Variants in JMY observed in about 807,000 individuals in gnomAD.
The protein encoded by JMY is junction-mediating and -regulatory protein.
JMY carries 46 observed loss-of-function variants against 103.3 expected under a neutral mutation model. The observed-to-expected ratio is 0.45, with a 90% confidence interval of 0.35 to 0.57. The LOEUF is 0.57. JMY is among the 20% of genes least tolerant of loss of function. JMY has a pLI of 0.00. For missense variants in JMY, 1,238 were observed against 1,255.2 expected (o/e 0.99, Z 0.21); for synonymous variants, 526 against 489.3 (o/e 1.07, Z -0.99).
At chr5:79,238,399 TAAC>T (rs527951177) in intron 1 of JMY, among the ~76,000 whole-genome samples, 101 of 150,796 alleles carry the variant, frequency 6.7e-4, no homozygotes, top group African/African-American at 9.8e-4. Context: ...ATCCTTAAAA[TAAC>T]AAAAAAAAAG....
At position 79,323,511 on chromosome 5, in the gene JMY, AAGTT is replaced by A; in HGVS notation, c.*1911_*1914del. On this transcript the variant is annotated 3_prime_UTR_variant, in exon 11 of 11. Transcript: ENST00000396137. ...ATTGGTTATATGAATATATTTGAAA[AAGTT>A]AAAGCAAATTTGCAAACCTTTACAA... 6.6e-6 allele frequency: 1 copy of A among 152,316 alleles called. No homozygotes were observed. The highest frequency in any genetic ancestry group is 1.9e-4 in the East Asian group (1 of 5,192). 9.4% of individuals were successfully genotyped at this position (152,316 alleles called of 1,614,324 possible).
Position 79,250,917 on chromosome 5 carries a change from T to TA in JMY, c.1032+13241dup, listed in dbSNP as rs752569718. ...CCATAACTTAAAATATTGTCTATGGTAAAAAACAAAGTTAAATGTGCCTTT... is the reference window on the plus strand; with the variant it reads ...CCATAACTTAAAATATTGTCTATGGTAAAAAAACAAAGTTAAATGTGCCTTT... On this transcript the variant is annotated intron_variant, in intron 1 of 10. Transcript: ENST00000396137. Among the ~76,000 whole-genome samples, 21 of 152,192 alleles carry TA rather than the reference T, an allele frequency of 1.4e-4. 1 individual carries two copies. The highest frequency in any genetic ancestry group is 5.9e-4 in the Admixed American group (9 of 15,280).
chr5:79,319,572 T>C (rs868632756), intron 10 of JMY, among the ~76,000 whole-genome samples: 1 of 96,974 alleles, frequency 1.0e-5, no homozygotes. Context: ...CCTTTTTTTT[T>C]TCTCTCTCTC....
At position 79,261,378 on chromosome 5, in the gene JMY, C is replaced by CAAA. The variant is rs1254686417; in HGVS notation, c.1033-16531_1033-16529dup. On this transcript the variant is annotated intron_variant, in intron 1 of 10. Coordinates refer to ENST00000396137, the MANE Select transcript of JMY (RefSeq NM_152405.5). ...ATCTTATGTAAAAGTGCCGTCTCTA[C>CAAA]AAATAATAATAATAATAATAATCAA... 9.9e-5 allele frequency among the ~76,000 whole-genome samples: 15 copies of CAAA among 151,818 alleles called. 1 individual carries two copies. Among genetic ancestry groups the CAAA allele is most frequent in the Middle Eastern group, 6.8e-3 (2 of 294 alleles).
At chr5:79,281,429 G>T (rs1010243541) in intron 2 of JMY, among the ~76,000 whole-genome samples, 5 of 147,918 alleles carry the variant, frequency 3.4e-5, no homozygotes, top group Admixed American at 1.4e-4. Flanking sequence ...CACATCTAGG[G>T]CCTACCCAGG....
chr5:79,299,309 C>T (rs1746660354), intron 4 of JMY, among the ~76,000 whole-genome samples: 1 of 152,220 alleles, frequency 6.6e-6, no homozygotes, highest in Non-Finnish European at 1.5e-5. Context: ...TCACATCTCA[C>T]TGACTCTTGA....
At chr5:79,264,579 A>T (rs1301398193) in intron 1 of JMY, among the ~76,000 whole-genome samples, 3 of 152,108 alleles carry the variant, frequency 2.0e-5, no homozygotes, top group African/African-American at 2.4e-5. Flanking sequence ...ATATTTCATC[A>T]GAATGAAAAG....
At chr5:79,265,022 T>C (rs1354653305) in intron 1 of JMY, among the ~76,000 whole-genome samples, 4 of 152,130 alleles carry the variant, frequency 2.6e-5, no homozygotes, top group African/African-American at 9.7e-5. Context: ...CCCAGGTTCA[T>C]GCCATTCATT....
At chr5:79,286,517 C>G (rs988985481) in intron 2 of JMY, among the ~76,000 whole-genome samples, 1 of 151,894 alleles carries the variant, frequency 6.6e-6, no homozygotes, top group Non-Finnish European at 1.5e-5. Context: ...GTGGCGTGCT[C>G]GTGCAATCCC....
At chr5:79,254,204 G>A (rs960785407) in intron 1 of JMY, among the ~76,000 whole-genome samples, 1 of 151,274 alleles carries the variant, frequency 6.6e-6, no homozygotes, top group African/African-American at 2.4e-5. Context: ...TGATCTGCCC[G>A]CCTCAGCCTT....
intron 1 of JMY, among the ~76,000 whole-genome samples, chr5:79,248,895 A>G (rs1744993926): frequency 6.6e-6 from 1 of 152,074 alleles, no homozygotes; most frequent in African/African-American, 2.4e-5. Context: ...AGTAGCTGGA[A>G]CTACAGGTGT....
At position 79,322,160 on chromosome 5, in the gene JMY, T is replaced by C. The variant is rs532094419; in HGVS notation, c.*558T>C. ...GTCCGCATTACTCATTTCCAAAGGA[T>C]TTTTCATAAAGATGTTCAGCAACAT... is the stretch of plus-strand genomic sequence containing the variant. On this transcript the variant is annotated 3_prime_UTR_variant, in exon 11 of 11. Transcript: ENST00000396137. The C allele has an allele frequency of 3.9e-5, 6 of 152,314 alleles. No individual in the cohort carries two copies. The highest frequency in any genetic ancestry group is 1.2e-4 in the African/African-American group (5 of 41,574). The allele number at this position is 152,314 out of a possible 1,614,324, so 9.4% of individuals were successfully genotyped here.
intron 1 of JMY, among the ~76,000 whole-genome samples, chr5:79,264,418 A>G (rs1425170063): frequency 6.7e-6 from 1 of 149,134 alleles, no homozygotes; most frequent in Admixed American, 6.7e-5. Flanking sequence ...TTGTAGAGAC[A>G]TGGTCTCACT....
intron 1 of JMY, among the ~76,000 whole-genome samples, chr5:79,267,427 G>GCC (rs1745616458): frequency 6.6e-6 from 1 of 152,076 alleles, no homozygotes; most frequent in African/African-American, 2.4e-5. Flanking sequence ...GCAACCAGTG[G>GCC]TCTTTTTACT....
chr5:79,236,964 G>A lies in JMY; in HGVS notation c.314G>A (p.Arg105Gln). 1 of 1,449,780 alleles carries A rather than the reference G, an allele frequency of 6.9e-7. No individual in the cohort carries two copies. The highest frequency in any genetic ancestry group is 9.1e-7 in the Non-Finnish European group (1 of 1,103,582). The allele number at this position is 1,449,780 out of a possible 1,614,324, so 89.8% of individuals were successfully genotyped here. The part of the protein sequence containing the change: ...SATLVRSPGP[R>Q]RSSAWAEGGS... ...ACTCTGGTTAGGAGCCCCGGGCCCC[G>A]GCGGAGCTCGGCCTGGGCGGAGGGC... Residue 105 changes from arginine (R) to glutamine (Q), a missense_variant, in exon 1 of 11, where the codon CGG becomes CAG. By Grantham distance (43) the Arg-to-Gln change is conservative. Transcript: ENST00000396137.
Position 79,314,636 on chromosome 5 carries a change from C to CCCCACA in JMY, c.2444_2445insCCCACA (p.Pro816_Pro817insGlnPro). On this transcript the variant is annotated inframe_insertion, in exon 9 of 11. Transcript: ENST00000396137. The stretch of plus-strand genomic sequence containing the variant: ...CTTCCTCCAACACCACCACCTCCCC[C>CCCCACA]ACCTCCTCCCCCTCCCCCACCACCA... 1 of 1,502,622 alleles carries CCCCACA rather than the reference C, an allele frequency of 6.7e-7. No homozygotes were observed. Among genetic ancestry groups the CCCCACA allele is most frequent in the Non-Finnish European group, 9.2e-7 (1 of 1,090,300 alleles). The allele number at this position is 1,502,622 out of a possible 1,614,324, so 93.1% of individuals were successfully genotyped here.
intron 1 of JMY, among the ~76,000 whole-genome samples, chr5:79,244,593 G>A (rs779631201): frequency 6.6e-6 from 1 of 151,378 alleles, no homozygotes; most frequent in Non-Finnish European, 1.5e-5. Flanking sequence ...ATTTTTGACA[G>A]TAGGTCTTGA....
intron 1 of JMY, among the ~76,000 whole-genome samples, chr5:79,255,829 G>A (rs1462335472): frequency 6.6e-6 from 1 of 152,156 alleles, no homozygotes; most frequent in Non-Finnish European, 1.5e-5. Context: ...GGGGGTGGAG[G>A]GACACAAGCA....
chr5:79,252,593 CCTCT>C (rs1201754300), intron 1 of JMY, among the ~76,000 whole-genome samples: 2 of 151,872 alleles, frequency 1.3e-5, no homozygotes, highest in Non-Finnish European at 2.9e-5. Context: ...TGTATTGAGG[CCTCT>C]CTCTCTTTAG....
Sources: gnomAD v4.1 joint callset for allele counts (sites outside exome capture counted in the v4.1 genomes callset) on GRCh38, gnomAD v4.1.1 for gene constraint, MANE v1.5 for transcripts, NCBI Gene and HGNC (gene_info 2026-07-23, HGNC 2026-07-21) for gene names.